The following PDE1C variants were observed in gnomAD, a reference collection of about 807,000 sequenced individuals.
The protein encoded by PDE1C is phosphodiesterase 1C, also known as dual specificity calcium/calmodulin-dependent 3',5'-cyclic nucleotide phosphodiesterase 1C.
A neutral mutation model predicts 93.1 loss-of-function variants in PDE1C; 62 were observed. The ratio of observed to expected loss-of-function variants is 0.67; its 90% CI spans 0.54 to 0.82. PDE1C has a LOEUF of 0.82. Among genes scored for constraint, PDE1C ranks in the 40% least tolerant of loss-of-function variants. The probability of loss-of-function intolerance (pLI) is 0.00; values close to 1 mark genes in which losing one functional copy is unlikely to be tolerated. For synonymous variants in PDE1C, 325 were observed against 310.1 expected, an observed-to-expected ratio of 1.05 and a Z score of -0.50; for missense variants, 742 against 884.6, an observed-to-expected ratio of 0.84 and a Z score of 2.04.
intron 1 of PDE1C, among the ~76,000 whole-genome samples, chr7:32,272,190 G>A (rs551682106): frequency 7.9e-5 from 12 of 152,320 alleles, no homozygotes; most frequent in East Asian, 1.9e-4. Context: ...AATGGGGCCC[G>A]CAGTGAATAG....
chr7:32,027,726 C>T (rs960946086), intron 2 of PDE1C, among the ~76,000 whole-genome samples: 2 of 140,490 alleles, frequency 1.4e-5, no homozygotes, highest in East Asian at 2.1e-4. Flanking sequence ...TTATGAGCTG[C>T]GTTACAAATG....
intron 1 of PDE1C, among the ~76,000 whole-genome samples, chr7:32,344,452 C>T (rs1435380331): frequency 6.6e-6 from 1 of 152,178 alleles, no homozygotes. Flanking sequence ...TCCTTTCTGA[C>T]TTCATCTCCT....
intron 3 of PDE1C, among the ~76,000 whole-genome samples, chr7:32,105,059 C>G (rs1391012041): frequency 6.6e-6 from 1 of 152,090 alleles, no homozygotes; most frequent in African/African-American, 2.4e-5. Flanking sequence ...AAATAAGGGT[C>G]AAACTACAAA....
At chr7:32,092,766 AG>A (rs879739789) in intron 3 of PDE1C, among the ~76,000 whole-genome samples, 65 of 152,368 alleles carry the variant, frequency 4.3e-4, no homozygotes, top group Admixed American at 3.7e-3. Context: ...TAGTTTTGTA[AG>A]GAAAAAAATG....
chr7:32,377,725 A>G (rs1784456387), intron 1 of PDE1C, among the ~76,000 whole-genome samples: 1 of 152,220 alleles, frequency 6.6e-6, no homozygotes, highest in Non-Finnish European at 1.5e-5. Flanking sequence ...AAAGAGATTA[A>G]GTAACTTGCC....
At chr7:31,674,420 A>C in the PDE1C span, among the ~76,000 whole-genome samples, 1 of 152,204 alleles carries the variant, frequency 6.6e-6, no homozygotes, top group African/African-American at 2.4e-5. Context: ...AATTTACATA[A>C]CGAAATGTTA....
chr7:32,251,967 G>A (rs549766046), intron 1 of PDE1C, among the ~76,000 whole-genome samples: 35 of 152,314 alleles, frequency 2.3e-4, no homozygotes, highest in Admixed American at 2.0e-3. Context: ...CCCTGTGGTT[G>A]TAAAGATGAC....
At chr7:32,181,896 C>A (rs915654894) in intron 2 of PDE1C, among the ~76,000 whole-genome samples, 39 of 152,226 alleles carry the variant, frequency 2.6e-4, no homozygotes, top group African/African-American at 9.4e-4. Context: ...CATTGATAGA[C>A]CGCTAGCAAG....
chr7:32,202,487 C>G (rs1367992383), intron 2 of PDE1C, among the ~76,000 whole-genome samples: 1 of 152,194 alleles, frequency 6.6e-6, no homozygotes, highest in Non-Finnish European at 1.5e-5. Context: ...GTGGTGAGCA[C>G]TGGACTGGAT....
At chr7:31,704,464 T>C in the PDE1C span, among the ~76,000 whole-genome samples, 2 of 152,208 alleles carry the variant, frequency 1.3e-5, no homozygotes, top group Non-Finnish European at 1.5e-5. Flanking sequence ...TAAACTCTTC[T>C]GTATAGAGAG....
rs2128723650 is a variant in PDE1C at position 31,816,076 on chromosome 7, CT to C, written c.1660del (p.Ser554AlafsTer143). The C allele has an allele frequency of 6.2e-7, 1 of 1,614,036 alleles. No homozygotes were observed. The highest frequency in any genetic ancestry group is 2.2e-5 in the East Asian group (1 of 44,858). ...EEQQKEMEAK[S>X]QAEEGASGKA... ...GCCAGATGCGCCTTCTTCAGCCTGG[CT>C]TTTGGCTTCCATTTCCTTTTGCTGC... On this transcript the variant is annotated frameshift_variant, in exon 15 of 18. Transcript: ENST00000396191. LOFTEE classifies it high-confidence loss of function.
the PDE1C span, among the ~76,000 whole-genome samples, chr7:31,712,266 A>C: frequency 1.4e-5 from 2 of 146,616 alleles, no homozygotes; most frequent in African/African-American, 5.2e-5. Context: ...ATGATCAAAA[A>C]ATCTACAGTG....
chr7:32,138,390 G>A (rs986369635), intron 3 of PDE1C, among the ~76,000 whole-genome samples: 1 of 152,134 alleles, frequency 6.6e-6, no homozygotes, highest in Admixed American at 6.5e-5. Context: ...AATAATGTCA[G>A]TACATAATTA....
At chr7:32,120,358 C>G (rs1267764453) in intron 3 of PDE1C, among the ~76,000 whole-genome samples, 1 of 152,224 alleles carries the variant, frequency 6.6e-6, no homozygotes, top group Admixed American at 6.5e-5. Flanking sequence ...GGTTTCCCCC[C>G]AGGCAAAGCA....
chr7:32,278,182 C>A, intron 1 of PDE1C, among the ~76,000 whole-genome samples: 1 of 146,900 alleles, frequency 6.8e-6, no homozygotes, highest in Non-Finnish European at 1.5e-5. Context: ...AATGTGATTA[C>A]AGAAGTAATA....
At chr7:32,141,293 G>A (rs1800509960) in intron 3 of PDE1C, among the ~76,000 whole-genome samples, 1 of 152,212 alleles carries the variant, frequency 6.6e-6, no homozygotes, top group Non-Finnish European at 1.5e-5. Context: ...TATCATGCCT[G>A]TGAATAGCTA....
chr7:31,791,468 G>T (rs1340403168), intron 16 of PDE1C, among the ~76,000 whole-genome samples: 1 of 152,118 alleles, frequency 6.6e-6, no homozygotes, highest in South Asian at 2.1e-4. Context: ...GATAGTCTAT[G>T]CACAGTTTGG....
At chr7:32,364,368 G>T (rs1784190478) in intron 1 of PDE1C, among the ~76,000 whole-genome samples, 1 of 152,214 alleles carries the variant, frequency 6.6e-6, no homozygotes, top group African/African-American at 2.4e-5. Flanking sequence ...GCGCCAGGAG[G>T]GAGAGTGCTA....
At chr7:31,955,340 C>T (rs999360660) in intron 2 of PDE1C, among the ~76,000 whole-genome samples, 1 of 152,146 alleles carries the variant, frequency 6.6e-6, no homozygotes, top group Non-Finnish European at 1.5e-5. Flanking sequence ...CCCATATATA[C>T]CCAAAGTGTG....
Sources: allele counts gnomAD v4.1 joint callset (sites outside exome capture counted in the v4.1 genomes callset), GRCh38; gene constraint gnomAD v4.1.1; transcripts MANE v1.5; gene names NCBI Gene and HGNC (gene_info 2026-07-23, HGNC 2026-07-21).